The following STK3 variants were observed in gnomAD, a reference collection of about 807,000 sequenced individuals.
The protein encoded by STK3 is serine/threonine kinase 3, also known as serine/threonine-protein kinase 3.
Under a neutral mutation model 58.0 loss-of-function variants are expected in STK3, and 41 were observed. The ratio of observed to expected loss-of-function variants is 0.71; its 90% CI spans 0.55 to 0.92. The LOEUF (loss-of-function observed/expected upper bound fraction) is 0.92. Ranked by LOEUF, STK3 falls within the 40% of genes least tolerant of loss-of-function variation. The pLI is 0.00. For synonymous variants in STK3, 170 were observed against 191.0 expected (o/e 0.89, Z 0.91); for missense variants, 479 against 602.7 (o/e 0.79, Z 2.15).
intron 1 of STK3, among the ~76,000 whole-genome samples, chr8:98,907,124 CTCCAGCCTGGGCGACAG>C: frequency 6.6e-6 from 1 of 152,114 alleles, no homozygotes; most frequent in Non-Finnish European, 1.5e-5. Flanking sequence ...TGCCACTGCA[CTCCAGCCTGGGCGACAG>C]AGCAAGATTC....
At chr8:98,362,161 G>A in the STK3 span, among the ~76,000 whole-genome samples, 2,869 of 152,216 alleles carry the variant, frequency 0.019, 102 homozygotes, top group African/African-American at 0.064. Context: ...GTGGAAGAGC[G>A]GAAGTTAGGC....
chr8:98,737,724 T>C (rs1309176101), intron 4 of STK3, among the ~76,000 whole-genome samples: 1 of 152,204 alleles, frequency 6.6e-6, no homozygotes, highest in Non-Finnish European at 1.5e-5. Context: ...TTCTTTTTTT[T>C]TTAGATGGAG....
At chr8:98,369,676 G>T (rs1318075968), downstream of STK3, among the ~76,000 whole-genome samples, 2 of 152,214 alleles carry the variant, frequency 1.3e-5, no homozygotes, top group African/African-American at 4.8e-5. Context: ...TTCTAGACAT[G>T]TTAGAGCAGT....
chr8:98,885,229 T>G (rs1320670695), intron 1 of STK3, among the ~76,000 whole-genome samples: 1 of 152,202 alleles, frequency 6.6e-6, no homozygotes, highest in East Asian at 1.9e-4. Flanking sequence ...CCTGCCTCCT[T>G]GCCCCAGCAC....
chr8:98,389,016 T>C (rs1817820414), upstream of STK3, among the ~76,000 whole-genome samples: 1 of 152,204 alleles, frequency 6.6e-6, no homozygotes, highest in South Asian at 2.1e-4. Context: ...TGTGAAAATA[T>C]GAGATGATGA....
At chr8:98,662,970 C>T (rs1449751110) in intron 6 of STK3, among the ~76,000 whole-genome samples, 3 of 152,056 alleles carry the variant, frequency 2.0e-5, no homozygotes, top group Admixed American at 1.3e-4. Context: ...TAGGCATGGG[C>T]AAGGACTTCA....
intron 1 of STK3, among the ~76,000 whole-genome samples, chr8:98,792,573 G>A (rs1832874115): frequency 1.3e-5 from 2 of 152,250 alleles, no homozygotes; most frequent in Admixed American, 6.5e-5. Context: ...GGTGGCGCAT[G>A]CCTGTAATCC....
At chr8:98,555,482 GA>G (rs1480161821) in intron 8 of STK3, among the ~76,000 whole-genome samples, 1 of 152,034 alleles carries the variant, frequency 6.6e-6, no homozygotes, top group East Asian at 1.9e-4. Flanking sequence ...GTCCTAAACG[GA>G]AAATATTCTA....
At chr8:98,503,398 T>G (rs1365295726) in intron 10 of STK3, among the ~76,000 whole-genome samples, 1 of 152,212 alleles carries the variant, frequency 6.6e-6, no homozygotes, top group African/African-American at 2.4e-5. Context: ...TGTCTCTATC[T>G]CCTTCAGTTC....
intron 6 of STK3, among the ~76,000 whole-genome samples, chr8:98,634,469 T>C (rs1819490035): frequency 6.6e-6 from 1 of 152,040 alleles, no homozygotes; most frequent in East Asian, 1.9e-4. Context: ...CACTGCACTC[T>C]AGTCTGGGTG....
intron 3 of STK3, among the ~76,000 whole-genome samples, chr8:98,426,216 C>CTGTACACAGCACATG (rs1313453229): frequency 1.3e-5 from 2 of 152,214 alleles, no homozygotes; most frequent in African/African-American, 4.8e-5. Context: ...GAGTACTACA[C>CTGTACACAGCACATG]TGTACACAGC....
chr8:98,703,878 T>C (rs936313791), intron 6 of STK3, among the ~76,000 whole-genome samples: 2 of 152,248 alleles, frequency 1.3e-5, no homozygotes, highest in African/African-American at 4.8e-5. Context: ...GACAGCTCTT[T>C]CTTTCATTGC....
chr8:98,735,955 G>C (rs1219536336), intron 4 of STK3, among the ~76,000 whole-genome samples: 1 of 151,998 alleles, frequency 6.6e-6, no homozygotes, highest in Non-Finnish European at 1.5e-5. Flanking sequence ...TTTAAAATAT[G>C]TGAAGTACTC....
intron 4 of STK3, among the ~76,000 whole-genome samples, chr8:98,739,048 C>G (rs370520994): frequency 3.9e-5 from 6 of 152,344 alleles, no homozygotes; most frequent in Non-Finnish European, 7.3e-5. Flanking sequence ...GAGGGGCGCC[C>G]GCCATTGCCC....
chr8:98,908,740 G>A (rs1383610181), intron 1 of STK3, among the ~76,000 whole-genome samples: 1 of 151,414 alleles, frequency 6.6e-6, no homozygotes, highest in Non-Finnish European at 1.5e-5. Context: ...CTACTCAGGA[G>A]GTTGAGGCAG....
chr8:98,684,341 G>A lies in STK3; in HGVS notation c.684+22126C>T, dbSNP rs137968161. 6.8e-3 allele frequency among the ~76,000 whole-genome samples: 1,034 copies of A among 152,116 alleles called. 8 individuals carry two copies. The highest frequency in any genetic ancestry group is 0.023 in the African/African-American group (970 of 41,504). On this transcript the variant is annotated intron_variant, in intron 6 of 10. Coordinates refer to ENST00000419617, the MANE Select transcript of STK3 (RefSeq NM_006281.4). ...CAGGCACAGAAACAGTAATTCCTTT[G>A]GGTACTGTGTAACGTCCCAATACCT...
At chr8:98,616,952 C>T (rs1587031647) in intron 6 of STK3, among the ~76,000 whole-genome samples, 1 of 152,262 alleles carries the variant, frequency 6.6e-6, no homozygotes, top group Admixed American at 6.5e-5. Context: ...CATCTCCGCA[C>T]CAAGCGGACC....
intron 1 of STK3, among the ~76,000 whole-genome samples, chr8:98,927,995 G>A (rs1839865041): frequency 6.6e-6 from 1 of 152,170 alleles, no homozygotes; most frequent in African/African-American, 2.4e-5. Context: ...GCTAGAGTTG[G>A]GTTTTTGTCA....
At chr8:98,377,326 G>C (rs114810810) in intron 2 of STK3, among the ~76,000 whole-genome samples, 8 of 151,668 alleles carry the variant, frequency 5.3e-5, no homozygotes, top group Non-Finnish European at 1.0e-4. Flanking sequence ...TCACTTCTTC[G>C]GCAGAATTTA....
Sources: gnomAD v4.1 joint callset for allele counts (sites outside exome capture counted in the v4.1 genomes callset) on GRCh38, gnomAD v4.1.1 for gene constraint, MANE v1.5 for transcripts, NCBI Gene and HGNC (gene_info 2026-07-23, HGNC 2026-07-21) for gene names.